Variants in SHE observed in about 807,000 individuals in gnomAD.
SHE encodes Src homology 2 domain containing E, also known as SH2 domain-containing adapter protein E.
SHE carries 11 observed loss-of-function variants against 49.8 expected under a neutral mutation model. The ratio of observed to expected loss-of-function variants is 0.22; its 90% CI spans 0.14 to 0.37. SHE has a LOEUF of 0.37. Ranked by LOEUF, SHE falls within the 10% of genes least tolerant of loss-of-function variation. SHE has a pLI of 1.00. For synonymous variants in SHE, 310 were observed against 278.1 expected (o/e 1.11, Z -1.14); for missense variants, 624 against 655.5 (o/e 0.95, Z 0.52).
chr1:154,492,502 G>T (rs985221043), intron 2 of SHE, among the ~76,000 whole-genome samples: 14 of 152,110 alleles, frequency 9.2e-5, no homozygotes, highest in Non-Finnish European at 4.4e-5. Context: ...ACTGTCCCTG[G>T]CCCCCACCCC....
At chr1:154,486,478 G>T in intron 4 of SHE, 49 bp downstream of exon 4, 8 of 1,602,084 alleles carry the variant, frequency 5.0e-6, no homozygotes, top group Non-Finnish European at 6.8e-6. Flanking sequence ...ATACAAAGCT[G>T]TAAGCTCCCA....
rs200447499 is a variant in SHE, at chr1:154,486,499, G to C, written c.1181+28C>G. On this transcript the variant is annotated intron_variant, in intron 4 of 5. Transcript: ENST00000304760. ...AGCTGTAAGCTCCCAGCTGTTGTCTGTTACAAGGATCTGAGGAGGAGACTC... is the reference window on the plus strand; with the variant it reads ...AGCTGTAAGCTCCCAGCTGTTGTCTCTTACAAGGATCTGAGGAGGAGACTC... The C allele has an allele frequency of 2.6e-4, 427 of 1,611,902 alleles. 1 individual carries two copies. In the African/African-American group the frequency reaches 4.9e-3, roughly 18 times the overall value.
chr1:154,480,704 A>C lies in SHE; in HGVS notation c.*3445T>G, dbSNP rs1364490672. ...AAAATGACACTTCTGCCCCCAACAG[A>C]GAGTAGATATATCAATATTTACCTT... On this transcript the variant is annotated 3_prime_UTR_variant, in exon 6 of 6. Transcript: ENST00000304760. 1 of 985,400 alleles carries C rather than the reference A, an allele frequency of 1.0e-6. No homozygotes were observed. Among genetic ancestry groups the C allele is most frequent in the Non-Finnish European group, 1.2e-6 (1 of 829,934 alleles). 61.0% of individuals were successfully genotyped at this position (985,400 alleles called of 1,614,324 possible).
downstream of SHE, among the ~76,000 whole-genome samples, chr1:154,478,156 G>C (rs544440585): frequency 5.8e-4 from 89 of 152,230 alleles, 1 homozygote; most frequent in Admixed American, 4.7e-3. Flanking sequence ...TCAGTTATGG[G>C]AGTAGCAAGA....
At chr1:154,500,030 C>T (rs1692656459) in intron 1 of SHE, among the ~76,000 whole-genome samples, 1 of 150,262 alleles carries the variant, frequency 6.7e-6, no homozygotes, top group Non-Finnish European at 1.5e-5. Flanking sequence ...TCCACAACCT[C>T]TGTTACATTC....
rs1301037703 is a variant in SHE, at chr1:154,486,082, G to A, written c.1182-20C>T. ...TACCAGCTGAAAAATGGGGGTGGAA[G>A]AGGGGAAAGCACCATGAGTGTCAAA... On this transcript the variant is annotated intron_variant, in intron 4 of 5. Transcript: ENST00000304760. 6.2e-7 allele frequency: 1 copy of A among 1,607,830 alleles called. No homozygotes were observed. The highest frequency in any genetic ancestry group is 1.3e-5 in the African/African-American group (1 of 74,870).
rs1038543488 is a variant in SHE, at chr1:154,481,335, A to C, written c.*2814T>G. ...CCACTAATTTACTATATTTCTTCTT[A>C]TAACCTCCTGTACAACTGTAAAGCA... On this transcript the variant is annotated 3_prime_UTR_variant, in exon 6 of 6. Transcript: ENST00000304760. 1.2e-5 allele frequency: 12 copies of C among 985,364 alleles called. No homozygotes were observed. The African/African-American group carries it at 2.1e-4, about 17-fold the overall frequency. The allele number at this position is 985,364 out of a possible 1,614,324, so 61.0% of individuals were successfully genotyped here.
intron 2 of SHE, 31 bp downstream of exon 2, chr1:154,499,081 A>G (rs763119750): frequency 6.2e-7 from 1 of 1,610,314 alleles, no homozygotes; most frequent in Non-Finnish European, 8.5e-7. Context: ...GTGAGATTTC[A>G]GTCTCTATTC....
rs1040807820 is a variant in SHE, at chr1:154,484,701, G to A, written c.1302-366C>T. ...TCCTCGGCTGGGCACGGTGGCTCAC[G>A]CCTGTATCCCAGCACTGTGGGAGGC... On this transcript the variant is annotated intron_variant, in intron 5 of 5. Coordinates refer to ENST00000304760, the MANE Select transcript of SHE (RefSeq NM_001010846.3). 21 of 180,700 alleles carry A rather than the reference G, an allele frequency of 1.2e-4. No individual in the cohort carries two copies. The East Asian group carries it at 1.4e-3, about 12-fold the overall frequency. The allele number at this position is 180,700 out of a possible 1,614,324, so 11.2% of individuals were successfully genotyped here.
chr1:154,479,016 A>G (rs1215742365), downstream of SHE, among the ~76,000 whole-genome samples: 1 of 152,220 alleles, frequency 6.6e-6, no homozygotes, highest in Non-Finnish European at 1.5e-5. Context: ...GGAGCTTCCA[A>G]CAGGGCTTCT....
intron 1 of SHE, among the ~76,000 whole-genome samples, chr1:154,473,865 T>C (rs1010592645): frequency 6.6e-6 from 1 of 152,208 alleles, no homozygotes; most frequent in African/African-American, 2.4e-5. Context: ...CCATGTGCTT[T>C]ATAAACAGGA....
downstream of SHE, among the ~76,000 whole-genome samples, chr1:154,475,600 A>T (rs553688495): frequency 6.6e-6 from 1 of 152,238 alleles, no homozygotes; most frequent in Non-Finnish European, 1.5e-5. Flanking sequence ...AGAATTAAAG[A>T]TAGCTTTATT....
At position 154,482,597 on chromosome 1, in the gene SHE, C is replaced by G; in HGVS notation, c.*1552G>C. On this transcript the variant is annotated 3_prime_UTR_variant, in exon 6 of 6. Coordinates refer to ENST00000304760, the MANE Select transcript of SHE (RefSeq NM_001010846.3). ...TTGCATATGGGGCAGTTTTGAGACC[C>G]AAATGACCAACCCCAGAATACAGAC... 1 of 985,370 alleles carries G rather than the reference C, an allele frequency of 1.0e-6. No homozygotes were observed. The highest frequency in any genetic ancestry group is 1.2e-6 in the Non-Finnish European group (1 of 829,928). 61.0% of individuals were successfully genotyped at this position (985,370 alleles called of 1,614,324 possible).
chr1:154,485,630 C>CT, intron 5 of SHE: 2 of 236,120 alleles, frequency 8.5e-6, no homozygotes, highest in Admixed American at 9.4e-5. Context: ...AGAAATAATT[C>CT]TTTTCATCAG....
chr1:154,498,475 G>A (rs1418047403), intron 2 of SHE, among the ~76,000 whole-genome samples: 1 of 148,578 alleles, frequency 6.7e-6, no homozygotes, highest in Non-Finnish European at 1.5e-5. Flanking sequence ...TTGGCTTGTT[G>A]CAACCTCCTC....
Position 154,479,842 on chromosome 1 carries a change from G to C in SHE, c.*4307C>G. The C allele has an allele frequency of 5.1e-6, 5 of 985,404 alleles. No individual in the cohort carries two copies. Among genetic ancestry groups the C allele is most frequent in the Non-Finnish European group, 6.0e-6 (5 of 829,934 alleles). 61.0% of individuals were successfully genotyped at this position (985,404 alleles called of 1,614,324 possible). A position where few individuals can be genotyped will look rare whatever the true frequency, so the allele number is the denominator to read the frequency against. ...TTAGTCCAGGGACCTTGTGATGATAGTTGTATTAGACTTCAAAACACCCTT... is the reference window on the plus strand; with the variant it reads ...TTAGTCCAGGGACCTTGTGATGATACTTGTATTAGACTTCAAAACACCCTT... On this transcript the variant is annotated 3_prime_UTR_variant, in exon 6 of 6. Coordinates refer to ENST00000304760, the MANE Select transcript of SHE (RefSeq NM_001010846.3).
chr1:154,483,404 A>G lies in SHE; in HGVS notation c.*745T>C, dbSNP rs1692074618. 3.0e-6 allele frequency: 3 copies of G among 985,382 alleles called. No homozygotes were observed. The highest frequency in any genetic ancestry group is 3.6e-6 in the Non-Finnish European group (3 of 829,922). 61.0% of individuals were successfully genotyped at this position (985,382 alleles called of 1,614,324 possible). On this transcript the variant is annotated 3_prime_UTR_variant, in exon 6 of 6. Transcript: ENST00000304760. ...TTTCTCCCGCTCATTCATTTCCCCA[A>G]TAACGAGTCCAATATAACATCCTCT...
intron 1 of SHE, among the ~76,000 whole-genome samples, chr1:154,500,951 C>A (rs190695609): frequency 7.2e-5 from 11 of 152,316 alleles, no homozygotes; most frequent in Admixed American, 7.2e-4. Flanking sequence ...GGTGGAACCG[C>A]AGAAAATGAT....
rs1313217418 is a variant in SHE, at chr1:154,481,440, G to A, written c.*2709C>T. On this transcript the variant is annotated 3_prime_UTR_variant, in exon 6 of 6. Coordinates refer to ENST00000304760, the MANE Select transcript of SHE (RefSeq NM_001010846.3). ...TAGTATGACTTGTCACAGAGAAACA[G>A]TATAGAAGAAGCATAATACTGGGCA... 8 of 985,422 alleles carry A rather than the reference G, an allele frequency of 8.1e-6. No homozygotes were observed. Among genetic ancestry groups the A allele is most frequent in the Non-Finnish European group, 9.6e-6 (8 of 829,940 alleles). 61.0% of individuals were successfully genotyped at this position (985,422 alleles called of 1,614,324 possible). A position where few individuals can be genotyped will look rare whatever the true frequency, so the allele number is the denominator to read the frequency against.
Sources: allele counts gnomAD v4.1 joint callset (sites outside exome capture counted in the v4.1 genomes callset), GRCh38; gene constraint gnomAD v4.1.1; transcripts MANE v1.5; gene names NCBI Gene and HGNC (gene_info 2026-07-23, HGNC 2026-07-21).